Variants in NTRK1 observed in about 807,000 individuals in gnomAD.
NTRK1 encodes high affinity nerve growth factor receptor.
NTRK1 carries 62 observed loss-of-function variants against 86.8 expected under a neutral mutation model. That is an observed-to-expected ratio of 0.71 (90% CI 0.58 to 0.88). The LOEUF (loss-of-function observed/expected upper bound fraction) is 0.88. Among genes scored for constraint, NTRK1 ranks in the 40% least tolerant of loss-of-function variants. The pLI is 0.00. For synonymous variants in NTRK1, 469 were observed against 456.6 expected, an observed-to-expected ratio of 1.03 and a Z score of -0.35; for missense variants, 967 against 1,078.4, an observed-to-expected ratio of 0.90 and a Z score of 1.45.
At chr1:156,858,663 G>C, upstream of NTRK1, 3 of 1,541,334 alleles carry the variant, frequency 1.9e-6, no homozygotes, top group Non-Finnish European at 2.7e-6. Flanking sequence ...CTCTCCTCCC[G>C]GTGACTCTGG....
intron 5 of NTRK1, 24 bp from the exon 6 acceptor site, chr1:156,868,481 C>A: frequency 6.4e-7 from 1 of 1,553,032 alleles, no homozygotes; most frequent in Non-Finnish European, 8.7e-7. Context: ...CACCCCTTGG[C>A]CCTCGGGCGT....
At chr1:156,875,429 C>T (rs2102914636) in intron 11 of NTRK1, 91 bp from the exon 12 acceptor site, 2 of 1,546,898 alleles carry the variant, frequency 1.3e-6, no homozygotes, top group South Asian at 1.1e-5. Flanking sequence ...CTGCAAGTTA[C>T]AAGGTGGGGG....
chr1:156,878,612 G>C (rs974137834), intron 14 of NTRK1, among the ~76,000 whole-genome samples: 7 of 152,200 alleles, frequency 4.6e-5, no homozygotes, highest in Admixed American at 2.0e-4. Context: ...CCGAGTGCTC[G>C]CTCTGGGGAG....
chr1:156,850,534 CTTTTTTT>C (rs35237064), intron 2 of NTRK1, among the ~76,000 whole-genome samples: 121 of 58,608 alleles, frequency 2.1e-3, no homozygotes, highest in African/African-American at 5.8e-3. Flanking sequence ...TTAAAACATT[CTTTTTTT>C]TTTTTTTTTT....
At chr1:156,849,476 G>T in intron 2 of NTRK1, 1 of 1,571,884 alleles carries the variant, frequency 6.4e-7, no homozygotes. Context: ...GGAGGCCAGG[G>T]GACCTTGCTC....
At chr1:156,818,023 T>C (rs1247782390) in intron 1 of NTRK1, among the ~76,000 whole-genome samples, 1 of 152,182 alleles carries the variant, frequency 6.6e-6, no homozygotes, top group East Asian at 1.9e-4. Flanking sequence ...TGAATTTATC[T>C]TCACAAACTA....
chr1:156,822,953 T>A (rs77636004), intron 1 of NTRK1, among the ~76,000 whole-genome samples: 6,950 of 152,256 alleles, frequency 0.046, 227 homozygotes, highest in Non-Finnish European at 0.062. Flanking sequence ...TAACCATAAT[T>A]GATGATCCCA....
At chr1:156,831,705 T>C (rs1202263493) in intron 1 of NTRK1, among the ~76,000 whole-genome samples, 2 of 152,114 alleles carry the variant, frequency 1.3e-5, no homozygotes, top group African/African-American at 4.8e-5. Flanking sequence ...GCTCCAGATG[T>C]TCTGAGGGAC....
chr1:156,861,563 C>T (rs1378768573), intron 1 of NTRK1, among the ~76,000 whole-genome samples: 2 of 152,188 alleles, frequency 1.3e-5, no homozygotes, highest in Non-Finnish European at 2.9e-5. Context: ...GGCAAGCCAG[C>T]CCCCGCCCAC....
rs1309723318 is a variant in NTRK1 at position 156,866,535 on chromosome 1, C to T, written c.360-375C>T. 2.0e-5 allele frequency among the ~76,000 whole-genome samples: 3 copies of T among 152,210 alleles called. No individual in the cohort carries two copies. In the South Asian group the frequency reaches 6.2e-4, roughly 31 times the overall value. On this transcript the variant is annotated intron_variant, in intron 3 of 16. Transcript: ENST00000524377. The stretch of plus-strand genomic sequence containing the variant: ...CTCCCCCTCTTCCTCTGGCCCCGTC[C>T]TGGGCTCTGTAGGGAGGGGAGCACA...
chr1:156,864,360 C>T lies in NTRK1; in HGVS notation c.219C>T (p.Ile73=), dbSNP rs563296138. 112 of 1,614,018 alleles carry T rather than the reference C, an allele frequency of 6.9e-5. No homozygotes were observed. The highest frequency in any genetic ancestry group is 9.2e-5 in the Non-Finnish European group (108 of 1,180,026). The change falls in exon 2 of 17, where the codon ATC becomes ATT. Residue 73 remains isoleucine (I), a synonymous_variant. Transcript: ENST00000524377. ...CCATCCGCTCTCCCCACAGCTACAT[C>T]GAGAACCAGCAGCATCTGCAGCATC... ...PGAENLTELY[I]ENQQHLQHLE...
At chr1:156,879,436 A>C (rs777197243) in intron 15 of NTRK1, 74 bp downstream of exon 15, 7 of 1,534,828 alleles carry the variant, frequency 4.6e-6, no homozygotes, top group Non-Finnish European at 6.1e-6. Flanking sequence ...GACCACTGAG[A>C]GCCTGCCCTT....
intron 1 of NTRK1, among the ~76,000 whole-genome samples, chr1:156,863,869 G>A (rs1056702485): frequency 3.3e-5 from 5 of 152,152 alleles, no homozygotes; most frequent in Admixed American, 3.3e-4. Flanking sequence ...GTGTGCCAGG[G>A]ATGCCTGATA....
intron 1 of NTRK1, chr1:156,840,862 T>A (rs1654749312): frequency 6.3e-7 from 1 of 1,597,948 alleles, no homozygotes. Context: ...AGCCAGGGAA[T>A]GAGGTGCCCC....
chr1:156,836,099 G>A (rs1017684537), intron 1 of NTRK1, among the ~76,000 whole-genome samples: 2 of 151,944 alleles, frequency 1.3e-5, no homozygotes, highest in African/African-American at 4.8e-5. Context: ...GTGTCTGTCA[G>A]CCCCCCTCCT....
intron 1 of NTRK1, among the ~76,000 whole-genome samples, chr1:156,817,075 C>CTCTCTCTCTCTCTCTCTCTCAT (rs1553256337): frequency 7.9e-5 from 10 of 126,112 alleles, no homozygotes; most frequent in Non-Finnish European, 1.4e-4. Context: ...CTCTCTCTCT[C>CTCTCTCTCTCTCTCTCTCTCAT]ATCTCTCTTG....
chr1:156,841,914 G>A, intron 1 of NTRK1: 2 of 1,575,302 alleles, frequency 1.3e-6, no homozygotes, highest in Non-Finnish European at 1.7e-6. Context: ...ACCCTGGAAA[G>A]TAGGGGCTCA....
rs1437734574 is a variant in NTRK1, at chr1:156,860,892, G to T, written c.-43G>T. ...AGGCCTGGCAGCTGCAGCTGGGAGC[G>T]CACAGACGGCTGCCCCGCCTGAGCG... On this transcript the variant is annotated 5_prime_UTR_variant, in exon 1 of 17. Transcript: ENST00000524377. The T allele has an allele frequency of 1.4e-6, 2 of 1,406,244 alleles. No homozygotes were observed. The highest frequency in any genetic ancestry group is 5.8e-5 in the East Asian group (2 of 34,684). The allele number at this position is 1,406,244 out of a possible 1,614,324, so 87.1% of individuals were successfully genotyped here.
chr1:156,856,609 C>T (rs1655411955), upstream of NTRK1, among the ~76,000 whole-genome samples: 2 of 152,136 alleles, frequency 1.3e-5, no homozygotes, highest in Admixed American at 1.3e-4. Flanking sequence ...ACACTTAGTC[C>T]AGCGCCCACA....
Sources: allele counts gnomAD v4.1 joint callset (sites outside exome capture counted in the v4.1 genomes callset), GRCh38; gene constraint gnomAD v4.1.1; transcripts MANE v1.5; gene names NCBI Gene and HGNC (gene_info 2026-07-23, HGNC 2026-07-21).